KNL1: variants seen among roughly 807,000 people sequenced by gnomAD.
KNL1 encodes the protein outer kinetochore KNL1 complex subunit KNL1.
KNL1 carries 66 observed loss-of-function variants against 201.3 expected under a neutral mutation model. The ratio of observed to expected loss-of-function variants is 0.33; its 90% confidence interval spans 0.27 to 0.40. The LOEUF (loss-of-function observed/expected upper bound fraction) is 0.40, where lower values mean the gene tolerates loss of function less well. Ranked by LOEUF, KNL1 falls within the 10% of genes least tolerant of loss-of-function variation. KNL1 has a pLI of 1.00. For synonymous variants in KNL1, 895 were observed against 899.2 expected (o/e 1.00, Z 0.08); for missense variants, 2,815 against 2,690.5 (o/e 1.05, Z -1.02).
chr15:40,633,002 C>T (rs1892956089), intron 13 of KNL1, among the ~76,000 whole-genome samples: 1 of 152,136 alleles, frequency 6.6e-6, no homozygotes, highest in Non-Finnish European at 1.5e-5. Flanking sequence ...TTTTGGTTAA[C>T]AACGGACCAC....
intron 21 of KNL1, among the ~76,000 whole-genome samples, chr15:40,653,328 A>G (rs1269429368): frequency 2.0e-5 from 3 of 152,120 alleles, no homozygotes; most frequent in Non-Finnish European, 2.9e-5. Context: ...AGCTGGGATT[A>G]CAGGCATGCG....
intron 2 of KNL1, among the ~76,000 whole-genome samples, chr15:40,603,783 A>G (rs1891886450): frequency 6.6e-6 from 1 of 152,230 alleles, no homozygotes; most frequent in Non-Finnish European, 1.5e-5. Flanking sequence ...GCTACTCTGT[A>G]GGCAGTATGC....
intron 17 of KNL1, among the ~76,000 whole-genome samples, chr15:40,649,089 C>T (rs898389645): frequency 1.3e-5 from 2 of 150,676 alleles, no homozygotes; most frequent in African/African-American, 4.9e-5. Context: ...CCGCCCGCCT[C>T]GGCCTCCCAA....
In KNL1 at chr15:40,663,304, C is replaced by T. The variant is rs1048266906; in HGVS notation, c.*1116C>T. ...TCGATCTCCTGACCTCGTGATCCGCCTGCCTCGGCTTCAAAGTGCTGGGAT... is the reference window on the plus strand; with the variant it reads ...TCGATCTCCTGACCTCGTGATCCGCTTGCCTCGGCTTCAAAGTGCTGGGAT... On this transcript the variant is annotated 3_prime_UTR_variant, in exon 26 of 26. Transcript: ENST00000399668. 13 of 173,346 alleles carry T rather than the reference C, an allele frequency of 7.5e-5. No individual in the cohort carries two copies. Among genetic ancestry groups the T allele is most frequent in the African/African-American group, 3.1e-4 (13 of 42,082 alleles). The allele number at this position is 173,346 out of a possible 1,614,324, so 10.7% of individuals were successfully genotyped here. A position where few individuals can be genotyped will look rare whatever the true frequency, so the allele number is the denominator to read the frequency against.
intron 13 of KNL1, among the ~76,000 whole-genome samples, chr15:40,639,610 A>T (rs185965567): frequency 0.014 from 2,133 of 151,278 alleles, 49 homozygotes; most frequent in African/African-American, 0.048. Context: ...GAAAAAAAAA[A>T]TTTTTTTTAA....
intron 25 of KNL1, among the ~76,000 whole-genome samples, chr15:40,661,046 C>G (rs1015893920): frequency 6.6e-6 from 1 of 152,110 alleles, no homozygotes; most frequent in African/African-American, 2.4e-5. Flanking sequence ...TTTAGATGCA[C>G]TGCTGACAGA....
At chr15:40,633,324 A>AAG (rs1325856199) in intron 13 of KNL1, among the ~76,000 whole-genome samples, 64 of 151,776 alleles carry the variant, frequency 4.2e-4, no homozygotes, top group Admixed American at 3.7e-3. Context: ...AAAAAAAAAA[A>AAG]AAAAAATTGT....
intron 2 of KNL1, among the ~76,000 whole-genome samples, chr15:40,604,325 G>A (rs578171975): frequency 6.6e-6 from 1 of 152,172 alleles, no homozygotes; most frequent in East Asian, 1.9e-4. Context: ...TCACAACCTG[G>A]TGGCTTGTTT....
chr15:40,595,275 A>G (rs1891589629), intron 1 of KNL1, among the ~76,000 whole-genome samples: 1 of 152,232 alleles, frequency 6.6e-6, no homozygotes, highest in Non-Finnish European at 1.5e-5. Flanking sequence ...AATATACACA[A>G]ATAACTAGAA....
Position 40,639,511 on chromosome 15 carries a change from C to T in KNL1, c.5683-1401C>T, listed in dbSNP as rs571188417. 1.6e-3 allele frequency among the ~76,000 whole-genome samples: 227 copies of T among 145,676 alleles called. 1 individual carries two copies. The highest frequency in any genetic ancestry group is 3.0e-3 in the Non-Finnish European group (199 of 66,686). On this transcript the variant is annotated intron_variant, in intron 13 of 25. Coordinates refer to ENST00000399668, the MANE Select transcript of KNL1 (RefSeq NM_144508.5). ...GAGGCAGGAGAATCGCTTGAAGCCA[C>T]GAGGTGGAGGTTGCAATGAGCTGAG...
rs567224997 is a variant in KNL1 at position 40,663,198 on chromosome 15, T to G, written c.*1010T>G. ...CCTCAGCCTCCCGAGTAGCTGGGACTACAGGTGCCCACCACCATGCCGGGC... is the reference window on the plus strand; with the variant it reads ...CCTCAGCCTCCCGAGTAGCTGGGACGACAGGTGCCCACCACCATGCCGGGC... On this transcript the variant is annotated 3_prime_UTR_variant, in exon 26 of 26. Transcript: ENST00000399668. 2.3e-4 allele frequency: 37 copies of G among 158,844 alleles called. No individual in the cohort carries two copies. In the East Asian group the frequency reaches 5.6e-3, roughly 24 times the overall value. The allele number at this position is 158,844 out of a possible 1,614,324, so 9.8% of individuals were successfully genotyped here.
Position 40,645,780 on chromosome 15 carries a change from G to C in KNL1, c.6006+8G>C. 2 of 1,417,672 alleles carry C rather than the reference G, an allele frequency of 1.4e-6. No homozygotes were observed. The highest frequency in any genetic ancestry group is 2.0e-6 in the Non-Finnish European group (2 of 1,022,574). 87.8% of individuals were successfully genotyped at this position (1,417,672 alleles called of 1,614,324 possible). A position where few individuals can be genotyped will look rare whatever the true frequency, so the allele number is the denominator to read the frequency against. On this transcript the variant is annotated splice_region_variant and intron_variant, in intron 16 of 25. Coordinates refer to ENST00000399668, the MANE Select transcript of KNL1 (RefSeq NM_144508.5). ...CTGGTGCAGTCAGCTCAGGTAATTT[G>C]AGACAGTTAATATCATAGAAAGAGA... is the stretch of plus-strand genomic sequence containing the variant.
chr15:40,620,725 C>G lies in KNL1; in HGVS notation c.461C>G (p.Thr154Arg). The change falls in exon 10 of 26, where the codon ACA (threonine) becomes AGA (arginine). Residue 154 changes from threonine (T) to arginine (R), a missense_variant. Coordinates refer to ENST00000399668, the MANE Select transcript of KNL1 (RefSeq NM_144508.5). ...IFSDENQMDLTSSHTVMITKG... is the reference protein window; with the variant it reads ...IFSDENQMDLRSSHTVMITKG... ...TCAGATGAAAACCAGATGGACCTGACATCAAGTCACACTGTAATGATTACC... is the reference window on the plus strand; with the variant it reads ...TCAGATGAAAACCAGATGGACCTGAGATCAAGTCACACTGTAATGATTACC... 1.2e-6 allele frequency: 2 copies of G among 1,610,520 alleles called. No homozygotes were observed. Among genetic ancestry groups the G allele is most frequent in the Non-Finnish European group, 1.7e-6 (2 of 1,178,680 alleles).
At chr15:40,640,098 C>CTTTTTTTTTTTTTTTTTTTTTTTTTT (rs544723388) in intron 13 of KNL1, among the ~76,000 whole-genome samples, 3 of 124,506 alleles carry the variant, frequency 2.4e-5, no homozygotes, top group Non-Finnish European at 3.5e-5. Context: ...TTTTTCTTTT[C>CTTTTTTTTTTTTTTTTTTTTTTTTTT]TTTTTTTTTT....
At chr15:40,616,205 C>G (rs577509871) in intron 8 of KNL1, among the ~76,000 whole-genome samples, 1 of 150,290 alleles carries the variant, frequency 6.7e-6, no homozygotes, top group South Asian at 2.1e-4. Flanking sequence ...CTCACTGCAG[C>G]CTCTACCTCC....
Position 40,629,372 on chromosome 15 carries a change from G to A in KNL1, c.5682+1G>A. On this transcript the variant is annotated splice_donor_variant, in intron 13 of 25. Transcript: ENST00000399668. LOFTEE classifies it high-confidence loss of function. ...CCGACAGAGCAATCTCCCAGGCAATGTAAGTGCAGTTTCTTGGCAAAATGT... is the reference window on the plus strand; with the variant it reads ...CCGACAGAGCAATCTCCCAGGCAATATAAGTGCAGTTTCTTGGCAAAATGT... 3 of 1,556,902 alleles carry A rather than the reference G, an allele frequency of 1.9e-6. No homozygotes were observed. Among genetic ancestry groups the A allele is most frequent in the East Asian group, 2.4e-5 (1 of 41,488 alleles).
Position 40,602,939 on chromosome 15 carries a change from G to T in KNL1, c.8G>T (p.Gly3Val). Residue 3 changes from glycine to valine, a missense_variant, in exon 2 of 26, where the codon GGG (glycine) becomes GTG (valine). Transcript: ENST00000399668. MD[G>V]VSSEANEEND... Reference sequence around the variant, plus strand: ...GAAAAGTTTTCTTCAAAAATGGATGGGGTGTCTTCAGAGGCTAATGAAGAA... The same window carrying T: ...GAAAAGTTTTCTTCAAAAATGGATGTGGTGTCTTCAGAGGCTAATGAAGAA... 8 of 1,591,892 alleles carry T rather than the reference G, an allele frequency of 5.0e-6. No individual in the cohort carries two copies. Among genetic ancestry groups the T allele is most frequent in the Non-Finnish European group, 6.9e-6 (8 of 1,163,102 alleles).
intron 3 of KNL1, among the ~76,000 whole-genome samples, chr15:40,605,399 G>T (rs533121036): frequency 2.0e-4 from 30 of 152,276 alleles, no homozygotes; most frequent in African/African-American, 6.0e-4. Context: ...CTGTTTAAAA[G>T]ATATGTTTAA....
intron 9 of KNL1, 30 bp from the exon 10 acceptor site, chr15:40,620,610 C>A: frequency 7.0e-7 from 1 of 1,420,436 alleles, no homozygotes; most frequent in Non-Finnish European, 9.5e-7. Flanking sequence ...TGCTTTTGTT[C>A]TGATCTCTTA....
Sources: allele counts gnomAD v4.1 joint callset (sites outside exome capture counted in the v4.1 genomes callset), GRCh38; gene constraint gnomAD v4.1.1; transcripts MANE v1.5; gene names NCBI Gene and HGNC (gene_info 2026-07-23, HGNC 2026-07-21).